NAV3: variants seen among roughly 807,000 people sequenced by gnomAD.
NAV3 encodes neuron navigator 3.
Under a neutral mutation model 244.7 loss-of-function variants are expected in NAV3, and 87 were observed. That is an observed-to-expected ratio of 0.36 (90% CI 0.30 to 0.42). The LOEUF (loss-of-function observed/expected upper bound fraction) is 0.42, where lower values mean the gene tolerates loss of function less well. Ranked by LOEUF, NAV3 falls within the 20% of genes least tolerant of loss-of-function variation. The pLI, the probability that NAV3 is intolerant of heterozygous loss-of-function variation, is 1.00. For missense variants in NAV3, 2,663 were observed against 2,893.3 expected (o/e 0.92, Z 1.83); for synonymous variants, 1,126 against 1,042.2 (o/e 1.08, Z -1.55).
At chr12:77,685,680 CTGTT>C (rs1874706429) in intron 2 of NAV3, among the ~76,000 whole-genome samples, 1 of 152,126 alleles carries the variant, frequency 6.6e-6, no homozygotes, top group African/African-American at 2.4e-5. Context: ...GTAAGAATGG[CTGTT>C]TGTCAGGTCA....
intron 1 of NAV3, among the ~76,000 whole-genome samples, chr12:77,937,506 T>C (rs1889436842): frequency 6.6e-6 from 1 of 152,214 alleles, no homozygotes; most frequent in Non-Finnish European, 1.5e-5. Context: ...TTTAAACAAA[T>C]GTTTTTGTAT....
At chr12:78,197,832 C>A (rs959717193) in intron 35 of NAV3, among the ~76,000 whole-genome samples, 5 of 151,852 alleles carry the variant, frequency 3.3e-5, no homozygotes, top group Non-Finnish European at 7.4e-5. Context: ...AAACCAACAA[C>A]AACGTTGGAA....
intron 2 of NAV3, among the ~76,000 whole-genome samples, chr12:77,786,859 C>A (rs868067797): frequency 2.0e-5 from 3 of 152,054 alleles, no homozygotes; most frequent in Non-Finnish European, 4.4e-5. Context: ...ATGTCCTGAC[C>A]TTTAGTCTCG....
chr12:78,120,905 A>G (rs1955638944), intron 15 of NAV3, among the ~76,000 whole-genome samples: 1 of 152,218 alleles, frequency 6.6e-6, no homozygotes, highest in African/African-American at 2.4e-5. Flanking sequence ...AATTTCAGAT[A>G]CCTGATTGTT....
At chr12:77,604,167 T>C (rs1176356170) in intron 2 of NAV3, among the ~76,000 whole-genome samples, 2 of 152,028 alleles carry the variant, frequency 1.3e-5, no homozygotes, top group Non-Finnish European at 2.9e-5. Context: ...AAGACCCAGA[T>C]GGAGTCAGAA....
intron 2 of NAV3, among the ~76,000 whole-genome samples, chr12:77,726,462 A>G (rs1409491514): frequency 6.6e-6 from 1 of 151,956 alleles, no homozygotes; most frequent in African/African-American, 2.4e-5. Flanking sequence ...TAGGGGAACT[A>G]ATGGGAAAGA....
intron 2 of NAV3, among the ~76,000 whole-genome samples, chr12:77,684,521 C>T (rs1318146873): frequency 6.6e-6 from 1 of 151,934 alleles, no homozygotes; most frequent in Non-Finnish European, 1.5e-5. Context: ...CAGGGTCTTA[C>T]TGTGTTGCCC....
At chr12:78,015,284 G>A (rs1369471880) in intron 8 of NAV3, among the ~76,000 whole-genome samples, 1 of 152,032 alleles carries the variant, frequency 6.6e-6, no homozygotes, top group Non-Finnish European at 1.5e-5. Flanking sequence ...ATTTCACCAA[G>A]TTTCACCAAA....
rs916745761 is a variant in NAV3, at chr12:78,085,278, C to A, written c.2636+26163C>A. On this transcript the variant is annotated intron_variant, in intron 12 of 39. Coordinates refer to ENST00000397909, the MANE Select transcript of NAV3 (RefSeq NM_001024383.2). Reference sequence around the variant, plus strand: ...GCTGTGGCTTGACTTTACTTGTTTTCTTATTACTAGACTCAGACTGAAGAA... The same window carrying A: ...GCTGTGGCTTGACTTTACTTGTTTTATTATTACTAGACTCAGACTGAAGAA... Among the ~76,000 whole-genome samples the A allele has an allele frequency of 2.0e-5, 3 of 152,052 alleles. No individual in the cohort carries two copies. The East Asian group carries it at 5.8e-4, about 29-fold the overall frequency.
Position 78,177,129 on chromosome 12 carries a change from T to G in NAV3, c.5125-12T>G. 6.2e-7 allele frequency: 1 copy of G among 1,613,000 alleles called. No individual in the cohort carries two copies. On this transcript the variant is annotated splice_polypyrimidine_tract_variant and intron_variant, in intron 26 of 39. Transcript: ENST00000397909. The stretch of plus-strand genomic sequence containing the variant: ...AAATAGACAAGAAGGGTAATTTCTG[T>G]CCTTGTTTCAGCTGAGAAGTTCTTT...
At chr12:77,633,309 C>T (rs745455652) in intron 2 of NAV3, among the ~76,000 whole-genome samples, 13 of 152,062 alleles carry the variant, frequency 8.5e-5, no homozygotes, top group Non-Finnish European at 1.3e-4. Context: ...CATAATTAGA[C>T]TCTTAAACAC....
intron 2 of NAV3, among the ~76,000 whole-genome samples, chr12:77,626,879 C>T (rs1338339607): frequency 6.6e-6 from 1 of 152,020 alleles, no homozygotes; most frequent in Non-Finnish European, 1.5e-5. Flanking sequence ...GTATAAAACT[C>T]ACTAGTAGAA....
At chr12:77,961,985 T>C (rs1405666431) in intron 3 of NAV3, among the ~76,000 whole-genome samples, 1 of 152,142 alleles carries the variant, frequency 6.6e-6, no homozygotes, top group Non-Finnish European at 1.5e-5. Context: ...TTTATTTAAT[T>C]CTAAATCTAA....
chr12:77,813,640 C>A (rs1447412675), intron 2 of NAV3, among the ~76,000 whole-genome samples: 2 of 151,918 alleles, frequency 1.3e-5, no homozygotes, highest in East Asian at 3.9e-4. Context: ...AAAGAAAAAC[C>A]CATCAAAATA....
intron 12 of NAV3, among the ~76,000 whole-genome samples, chr12:78,063,600 T>C (rs945443143): frequency 4.0e-5 from 6 of 151,802 alleles, no homozygotes; most frequent in Non-Finnish European, 8.8e-5. Context: ...TAAGAGAGAG[T>C]AATGTAAACA....
At chr12:78,011,629 A>G (rs1875292664) in intron 8 of NAV3, among the ~76,000 whole-genome samples, 2 of 152,126 alleles carry the variant, frequency 1.3e-5, no homozygotes, top group African/African-American at 2.4e-5. Flanking sequence ...GATGGGAAAA[A>G]TAATAGGTAA....
chr12:77,838,757 G>A (rs908889608), intron 1 of NAV3, among the ~76,000 whole-genome samples: 1 of 152,052 alleles, frequency 6.6e-6, no homozygotes, highest in Non-Finnish European at 1.5e-5. Context: ...AGATTAAGTG[G>A]TATAATTAAA....
intron 2 of NAV3, among the ~76,000 whole-genome samples, chr12:77,769,125 T>C (rs1181239189): frequency 1.3e-5 from 2 of 152,224 alleles, no homozygotes; most frequent in Non-Finnish European, 1.5e-5. Context: ...AGTAATTTGC[T>C]CAAGGTAACT....
intron 13 of NAV3, among the ~76,000 whole-genome samples, chr12:78,117,514 A>G (rs1334275719): frequency 6.8e-6 from 1 of 148,024 alleles, no homozygotes; most frequent in Non-Finnish European, 1.5e-5. Flanking sequence ...TTAATATAAT[A>G]GTAACATATC....
Sources: allele counts gnomAD v4.1 joint callset (sites outside exome capture counted in the v4.1 genomes callset), GRCh38; gene constraint gnomAD v4.1.1; transcripts MANE v1.5; gene names NCBI Gene and HGNC (gene_info 2026-07-23, HGNC 2026-07-21).